PLEC: variants seen among roughly 807,000 people sequenced by gnomAD.
PLEC encodes plectin.
In PLEC, 216 loss-of-function variants were observed where a neutral mutation model predicts 392.8. The ratio of observed to expected loss-of-function variants is 0.55; its 90% CI spans 0.49 to 0.62. The LOEUF is 0.62. PLEC is among the 20% of genes least tolerant of loss of function. The pLI is 0.00. For synonymous variants in PLEC, 3,621 were observed against 2,980.6 expected (o/e 1.21, Z -7.00); for missense variants, 6,863 against 6,563.4 (o/e 1.05, Z -1.58).
rs782027096 is a variant in PLEC, at chr8:143,931,973, G to C, written c.2142C>G (p.Ile714Met). ...CAGCGTTCTCCTTCAGGTGTGCCTCGATACAGCAGCACAGCTGTAGCATCC... is the reference window on the plus strand; with the variant it reads ...CAGCGTTCTCCTTCAGGTGTGCCTCCATACAGCAGCACAGCTGTAGCATCC... ...WSWMLQLCCCIEAHLKENAAY... is the reference protein window; with the variant it reads ...WSWMLQLCCCMEAHLKENAAY... The change falls in exon 18 of 32, where the codon ATC becomes ATG. Residue 714 changes from isoleucine to methionine, a missense_variant. By Grantham distance (10) the Ile-to-Met change is conservative (BLOSUM62 1). Transcript: ENST00000345136. 1.1e-5 allele frequency: 17 copies of C among 1,607,740 alleles called. No individual in the cohort carries two copies. Among genetic ancestry groups the C allele is most frequent in the Non-Finnish European group, 1.4e-5 (16 of 1,178,412 alleles).
chr8:143,925,296 C>T lies in PLEC; in HGVS notation c.4633G>A (p.Ala1545Thr). 1 of 1,573,680 alleles carries T rather than the reference C, an allele frequency of 6.4e-7. No individual in the cohort carries two copies. The highest frequency in any genetic ancestry group is 2.3e-5 in the East Asian group (1 of 43,148). The change falls in exon 31 of 32, where the codon GCG becomes ACG. Residue 1545 changes from alanine (A) to threonine (T), a missense_variant. Transcript: ENST00000345136. ...CGCAGGCGCCGCTCCGCCTCCTCCG[C>T]CTGCAGCCGCAGCTCCTCCAGGGCC... is the stretch of plus-strand genomic sequence containing the variant. Reference protein sequence around the residue: ...LQALEELRLQAEEAERRLRQA... With the variant: ...LQALEELRLQTEEAERRLRQA...
chr8:143,975,258 G>GC, upstream of PLEC: 1 of 1,608,560 alleles, frequency 6.2e-7, no homozygotes. This position sits in a 1 kb window ranked among gnomAD's most constrained non-coding sequence, Gnocchi z 9.9. Context: ...CGCCGGCTCC[G>GC]CTGCGTTTTC....
At position 143,933,207 on chromosome 8, in the gene PLEC, T is replaced by C. The variant is rs782393251; in HGVS notation, c.1408A>G (p.Met470Val). 16 of 1,612,704 alleles carry C rather than the reference T, an allele frequency of 9.9e-6. No homozygotes were observed. The highest frequency in any genetic ancestry group is 1.3e-5 in the Non-Finnish European group (15 of 1,179,920). The change falls in exon 13 of 32, where the codon ATG becomes GTG. Residue 470 changes from methionine to valine, a missense_variant. Physicochemically the swap from Met to Val is conservative, Grantham distance 21. Transcript: ENST00000345136. ...CAGGGCGGGGCCCACCTGCGGTACA[T>C]CTGCTCGCCCTGCGGGTGCCGTCCA... ...KDGRHPQGEQ[M>V]YRRVYRLHER...
At chr8:143,950,077 A>T (rs536091282) in intron 1 of PLEC, 32 of 1,384,234 alleles carry the variant, frequency 2.3e-5, no homozygotes, top group African/African-American at 2.9e-5. Context: ...GACGCTCCGC[A>T]AGCCGGCTGA....
chr8:143,935,319 A>G lies in PLEC; in HGVS notation c.603-6T>C, dbSNP rs1191727028. The G allele has an allele frequency of 3.8e-6, 6 of 1,596,382 alleles. No homozygotes were observed. Among genetic ancestry groups the G allele is most frequent in the East Asian group, 2.2e-5 (1 of 44,782 alleles). On this transcript the variant is annotated splice_polypyrimidine_tract_variant and splice_region_variant and intron_variant, in intron 6 of 31. Coordinates refer to ENST00000345136, the MANE Select transcript of PLEC (RefSeq NM_201384.3). Reference sequence around the variant, plus strand: ...TCATGTCGATGAGCAGGGGCCTGGGACAAGCAGGTGGCTGGTCAGGTGGGT... The same window carrying G: ...TCATGTCGATGAGCAGGGGCCTGGGGCAAGCAGGTGGCTGGTCAGGTGGGT...
rs782440209 is a variant in PLEC, at chr8:143,916,436, C to T, written c.13385G>A (p.Arg4462Gln). The T allele has an allele frequency of 1.1e-5, 18 of 1,611,672 alleles. No individual in the cohort carries two copies. The highest frequency in any genetic ancestry group is 8.8e-5 in the South Asian group (8 of 91,084). ...RSMVEEGTGL[R>Q]LLEAAAQSTK... is the part of the protein sequence containing the mutation. ...GGACTGCGCGGCAGCCTCCAGCAGC[C>T]GCAGCCCCGTGCCCTCCTCCACCAT... The change falls in exon 32 of 32, where the codon CGG (arginine) becomes CAG (glutamine). Residue 4462 changes from arginine to glutamine, a missense_variant. Transcript: ENST00000345136.
intron 1 of PLEC, among the ~76,000 whole-genome samples, chr8:143,968,743 C>A (rs1219319943): frequency 6.6e-6 from 1 of 152,116 alleles, no homozygotes; most frequent in African/African-American, 2.4e-5. Context: ...AACAATCACA[C>A]CAAAGTGTTC....
chr8:143,967,996 C>T (rs187728754), intron 1 of PLEC, among the ~76,000 whole-genome samples: 7 of 152,000 alleles, frequency 4.6e-5, no homozygotes, highest in Non-Finnish European at 1.0e-4. Context: ...GGTGTGGTGG[C>T]GCACACATGT....
chr8:143,925,815 G>A lies in PLEC; in HGVS notation c.4114C>T (p.Gln1372Ter). 1 of 1,563,958 alleles carries A rather than the reference G, an allele frequency of 6.4e-7. No homozygotes were observed. The highest frequency in any genetic ancestry group is 8.6e-7 in the Non-Finnish European group (1 of 1,162,382). Residue 1372 changes from glutamine (Q) to a stop codon, truncating the protein, a stop_gained, in exon 31 of 32, where the codon CAG becomes TAG. Transcript: ENST00000345136. LOFTEE classifies it high-confidence loss of function. The stretch of plus-strand genomic sequence containing the variant: ...GCGTGCGCCTCGGCCAGCTGCCGCT[G>A]CTTCTCCAGCGCGGCCTCCACCTCG... Reference protein sequence around the residue: ...LAEVEAALEKQRQLAEAHAQA... With the variant: ...LAEVEAALEK
chr8:143,953,468 C>T (rs541444841), upstream of PLEC, among the ~76,000 whole-genome samples: 54 of 152,134 alleles, frequency 3.5e-4, no homozygotes, highest in Non-Finnish European at 7.4e-4. Flanking sequence ...CCGCCGCCGC[C>T]GCCGCCGCTG....
Position 143,918,682 on chromosome 8 carries a change from C to A in PLEC, c.11139G>T (p.Gly3713=). ...GGCGGGCCACCTCGGCACTCAGCAG[C>A]CCTTTCTTGAGAGCCTGGTAGATGC... The part of the protein sequence containing the change: ...TLSIYQALKK[G]LLSAEVARLL... Residue 3713 remains glycine, a synonymous_variant, in exon 32 of 32, where the codon GGG becomes GGT. Transcript: ENST00000345136. 1.2e-6 allele frequency: 2 copies of A among 1,612,930 alleles called. No individual in the cohort carries two copies. The highest frequency in any genetic ancestry group is 2.2e-5 in the East Asian group (1 of 44,854).
chr8:143,942,491 C>G (rs1554729546), upstream of PLEC: 2 of 1,588,516 alleles, frequency 1.3e-6, no homozygotes, highest in Admixed American at 1.7e-5. Context: ...CTCGGCGAGG[C>G]AAAGGCGCCC....
In PLEC at chr8:143,934,796, C is replaced by A. The variant is rs199776873; in HGVS notation, c.945+14G>T. 4.7e-5 allele frequency: 75 copies of A among 1,611,602 alleles called. No homozygotes were observed. The highest frequency in any genetic ancestry group is 3.3e-4 in the Admixed American group (20 of 59,990). On this transcript the variant is annotated intron_variant, in intron 9 of 31. Transcript: ENST00000345136. ...AGGGCAGGCCCAGGACCCCGCCCCC[C>A]ACGGCAGGCCCACCTCAATCTCCTC...
intron 1 of PLEC, chr8:143,946,334 G>A: frequency 7.8e-7 from 1 of 1,288,036 alleles, no homozygotes; most frequent in Non-Finnish European, 1.0e-6. Flanking sequence ...ACAGCCCCCA[G>A]CTCTGCCTGC....
Position 143,922,743 on chromosome 8 carries a change from G to C in PLEC, c.7186C>G (p.Gln2396Glu). 1 of 1,610,502 alleles carries C rather than the reference G, an allele frequency of 6.2e-7. No homozygotes were observed. Among genetic ancestry groups the C allele is most frequent in the Non-Finnish European group, 8.5e-7 (1 of 1,179,580 alleles). The change falls in exon 31 of 32, where the codon CAG (glutamine) becomes GAG (glutamate). Residue 2396 changes from glutamine to glutamate, a missense_variant. Transcript: ENST00000345136. ...TGGGCGTCCTCCTCAGCGCGGGCCT[G>C]GGCTCGGCTCATCTCGGCCACACGC... ...KLRVAEMSRA[Q>E]ARAEEDAQRF...
At chr8:143,955,204 C>T (rs573178983), upstream of PLEC, among the ~76,000 whole-genome samples, 7 of 152,274 alleles carry the variant, frequency 4.6e-5, no homozygotes, top group African/African-American at 1.7e-4. Flanking sequence ...AGGCCGGGCA[C>T]GGGGACTCAT....
In PLEC at chr8:143,918,126, G is replaced by A. The variant is rs782307535; in HGVS notation, c.11695C>T (p.Arg3899Cys). 36 of 1,598,820 alleles carry A rather than the reference G, an allele frequency of 2.3e-5. No homozygotes were observed. Among genetic ancestry groups the A allele is most frequent in the Admixed American group, 3.4e-5 (2 of 59,656 alleles). Reference protein sequence around the residue: ...RKQITMEELVRSQVMDEATAL... With the variant: ...RKQITMEELVCSQVMDEATAL... ...GTGGCCTCGTCCATGACCTGCGAGC[G>A]CACCAGCTCCTCCATGGTGATCTGC... Residue 3899 changes from arginine (R) to cysteine (C), a missense_variant, in exon 32 of 32, where the codon CGC becomes TGC. By Grantham distance (180) the Arg-to-Cys change is radical. Coordinates refer to ENST00000345136, the MANE Select transcript of PLEC (RefSeq NM_201384.3).
upstream of PLEC, among the ~76,000 whole-genome samples, chr8:143,957,878 G>T (rs1832679838): frequency 1.4e-5 from 2 of 143,778 alleles, no homozygotes; most frequent in African/African-American, 5.1e-5. Context: ...GAGCAGGCCA[G>T]TGGGCTGTGA....
upstream of PLEC, chr8:143,958,488 C>A (rs1587391340): frequency 3.2e-6 from 1 of 313,332 alleles, no homozygotes; most frequent in African/African-American, 2.2e-5. This position sits in a 1 kb window ranked among gnomAD's most constrained non-coding sequence, Gnocchi z 4.9. Context: ...CCATCGTTCC[C>A]AAATATCTCT....
Sources: allele counts gnomAD v4.1 joint callset (sites outside exome capture counted in the v4.1 genomes callset), GRCh38; gene constraint gnomAD v4.1.1; non-coding constraint Gnocchi (gnomAD v3.1); transcripts MANE v1.5; gene names NCBI Gene and HGNC (gene_info 2026-07-23, HGNC 2026-07-21).